MYH9: variants seen among roughly 807,000 people sequenced by gnomAD.
MYH9 encodes myosin heavy chain 9.
A neutral mutation model predicts 241.9 loss-of-function variants in MYH9; 29 were observed. The observed-to-expected ratio is 0.12, with a 90% confidence interval of 0.09 to 0.16. The LOEUF is 0.16. MYH9 is among the 10% of genes least tolerant of loss of function. The pLI, the probability that MYH9 is intolerant of heterozygous loss-of-function variation, is 1.00. For synonymous variants in MYH9, 1,047 were observed against 1,062.6 expected (o/e 0.99, Z 0.29); for missense variants, 1,803 against 2,595.5 (o/e 0.69, Z 6.63).
intron 31 of MYH9, among the ~76,000 whole-genome samples, chr22:36,291,573 C>T (rs955931331): frequency 3.3e-5 from 5 of 151,738 alleles, no homozygotes; most frequent in Non-Finnish European, 5.9e-5. Context: ...CTAGGAAAAC[C>T]GGAGACCTTT....
intron 1 of MYH9, among the ~76,000 whole-genome samples, chr22:36,368,420 A>G (rs2018042663): frequency 6.6e-6 from 1 of 151,994 alleles, no homozygotes; most frequent in Admixed American, 6.6e-5. Flanking sequence ...TCCATCCCTA[A>G]CCACTCTGCT....
chr22:36,338,539 G>A (rs1419229815), intron 3 of MYH9, among the ~76,000 whole-genome samples: 2 of 151,170 alleles, frequency 1.3e-5, no homozygotes, highest in African/African-American at 4.9e-5. Context: ...CGCCCACCTG[G>A]CTGGGTGCGG....
At chr22:36,360,595 C>T (rs1025056341) in intron 1 of MYH9, among the ~76,000 whole-genome samples, 4 of 151,862 alleles carry the variant, frequency 2.6e-5, no homozygotes, top group Admixed American at 2.6e-4. Context: ...CACCTGTAGT[C>T]CCAGCTACTC....
Position 36,288,231 on chromosome 22 carries a change from C to T in MYH9, c.4932+21G>A, listed in dbSNP as rs2016621877. 6.2e-7 allele frequency: 1 copy of T among 1,613,002 alleles called. No individual in the cohort carries two copies. Among genetic ancestry groups the T allele is most frequent in the Non-Finnish European group, 8.5e-7 (1 of 1,179,902 alleles). On this transcript the variant is annotated intron_variant, in intron 34 of 40. Coordinates refer to ENST00000216181, the MANE Select transcript of MYH9 (RefSeq NM_002473.6). The surrounding 1 kb of genome is among the most constrained non-coding windows in gnomAD (Gnocchi z 4.8). ...TCAGTCGGGTGCCGCCCACCCTCAC[C>T]TGGGCCCCGCCCACCCTTACCTGCA... is the stretch of plus-strand genomic sequence containing the variant.
At position 36,300,178 on chromosome 22, in the gene MYH9, C is replaced by A; in HGVS notation, c.2925G>T (p.Lys975Asn). The A allele has an allele frequency of 3.7e-6, 6 of 1,613,424 alleles. No homozygotes were observed. Among genetic ancestry groups the A allele is most frequent in the Non-Finnish European group, 4.2e-6 (5 of 1,180,030 alleles). Residue 975 changes from lysine (K) to asparagine (N), a missense_variant, in exon 23 of 41, where the codon AAG becomes AAT. Lys to Asn is a moderately conservative substitution (Grantham distance 94, BLOSUM62 0). Coordinates refer to ENST00000216181, the MANE Select transcript of MYH9 (RefSeq NM_002473.6). The surrounding 1 kb of genome is among the most constrained non-coding windows in gnomAD (Gnocchi z 5.0). ...EKVTTEAKLK[K>N]LEEEQIILED... ...CCAGGATGATCTGCTCCTCCTCCAG[C>A]TTTTTCAGCTTCGCCTCGGTGGTCA...
Position 36,312,100 on chromosome 22 carries a change from G to C in MYH9, c.1677C>G (p.Pro559=), listed in dbSNP as rs770906668. 2 of 1,614,180 alleles carry C rather than the reference G, an allele frequency of 1.2e-6. No homozygotes were observed. Among genetic ancestry groups the C allele is most frequent in the Non-Finnish European group, 1.7e-6 (2 of 1,180,020 alleles). ...AATCAGCTTTGTCCTTCAGCTGCTTGGGCTTCTGGAACTTGGGGTGGGTGC... is the reference window on the plus strand; with the variant it reads ...AATCAGCTTTGTCCTTCAGCTGCTTCGGCTTCTGGAACTTGGGGTGGGTGC... ...EQGTHPKFQK[P]KQLKDKADFC... The change falls in exon 14 of 41, where the codon CCC becomes CCG. Residue 559 remains proline, a synonymous_variant. Transcript: ENST00000216181.
intron 1 of MYH9, among the ~76,000 whole-genome samples, chr22:36,355,751 G>A (rs1230376896): frequency 1.3e-5 from 2 of 152,180 alleles, no homozygotes; most frequent in East Asian, 3.8e-4. Context: ...GTCAGACTCA[G>A]CCCCGTGTGG....
Position 36,293,480 on chromosome 22 carries a change from T to A in MYH9, c.3944A>T (p.Glu1315Val). 1 of 1,613,074 alleles carries A rather than the reference T, an allele frequency of 6.2e-7. No individual in the cohort carries two copies. ...ALESQLQDTQ[E>V]LLQEENRQKL... ...CTGCCGGTTCTCCTCCTGCAGCAGC[T>A]CCTACTCGCGGGTTGAGAGGGGTGC... Residue 1315 changes from glutamate (E) to valine (V), a missense_variant and splice_region_variant, in exon 30 of 41, where the codon GAG becomes GTG. Glu to Val is a moderately radical substitution (Grantham distance 121, BLOSUM62 -2). Transcript: ENST00000216181. The surrounding 1 kb of genome is among the most constrained non-coding windows in gnomAD (Gnocchi z 5.1).
At chr22:36,369,526 A>T (rs1458314013) in intron 1 of MYH9, among the ~76,000 whole-genome samples, 1 of 152,206 alleles carries the variant, frequency 6.6e-6, no homozygotes, top group Non-Finnish European at 1.5e-5. Context: ...GCAAAAACCC[A>T]GGTTCCCCAC....
At position 36,300,235 on chromosome 22, in the gene MYH9, C is replaced by T. The variant is rs926046852; in HGVS notation, c.2868G>A (p.Glu956=). 5 of 1,612,894 alleles carry T rather than the reference C, an allele frequency of 3.1e-6. No individual in the cohort carries two copies. Among genetic ancestry groups the T allele is most frequent in the Non-Finnish European group, 4.2e-6 (5 of 1,179,954 alleles). ...QELEEQLEEE[E]SARQKLQLEK... ...CCAGCTGCAGCTTCTGCCGGGCGCT[C>T]TCCTCCTCCTCCAGCTGCTCCTCAA... Residue 956 remains glutamate (E), a synonymous_variant, in exon 23 of 41, where the codon GAG becomes GAA. Transcript: ENST00000216181. The surrounding 1 kb of genome is among the most constrained non-coding windows in gnomAD (Gnocchi z 5.0).
At chr22:36,325,176 G>A in intron 5 of MYH9, 1 of 730,970 alleles carries the variant, frequency 1.4e-6, no homozygotes, top group East Asian at 2.6e-5. Context: ...TGGAGAGAGA[G>A]AGAGACAGAG....
At position 36,287,293 on chromosome 22, in the gene MYH9, T is replaced by A. The variant is rs369144040; in HGVS notation, c.4933-447A>T. On this transcript the variant is annotated intron_variant, in intron 34 of 40. Transcript: ENST00000216181. ...GCCTTTTTTTCCTTTTGCAGATAAA[T>A]CCGAAATTGAGATTCCCCAAATCAA... Among the ~76,000 whole-genome samples the A allele has an allele frequency of 6.7e-4, 102 of 152,240 alleles. 3 individuals are homozygous for A. The highest frequency in any genetic ancestry group is 4.6e-3 in the East Asian group (24 of 5,188).
In MYH9 at chr22:36,306,266, G is replaced by A; in HGVS notation, c.2037+148C>T. Reference sequence around the variant, plus strand: ...GCTGTGAATGTAGCGTATCTCCTAAGCGAGCCAAGGCCCACCCTGCAGAGA... The same window carrying A: ...GCTGTGAATGTAGCGTATCTCCTAAACGAGCCAAGGCCCACCCTGCAGAGA... On this transcript the variant is annotated intron_variant, in intron 16 of 40. Transcript: ENST00000216181. This position sits in a 1 kb window ranked among gnomAD's most constrained non-coding sequence, Gnocchi z 4.1. 1.6e-6 allele frequency: 2 copies of A among 1,264,802 alleles called. No individual in the cohort carries two copies. Among genetic ancestry groups the A allele is most frequent in the Non-Finnish European group, 2.2e-6 (2 of 898,366 alleles). 78.3% of individuals were successfully genotyped at this position (1,264,802 alleles called of 1,614,324 possible). A position where few individuals can be genotyped will look rare whatever the true frequency, so the allele number is the denominator to read the frequency against.
At chr22:36,327,360 G>A (rs2017352091) in intron 4 of MYH9, 101 bp downstream of exon 4, 1 of 1,373,764 alleles carries the variant, frequency 7.3e-7, no homozygotes, top group Non-Finnish European at 1.0e-6. Flanking sequence ...AATTGGGAAT[G>A]GGGGACTCTG....
intron 3 of MYH9, among the ~76,000 whole-genome samples, chr22:36,334,682 G>A (rs576840168): frequency 1.2e-4 from 19 of 152,196 alleles, no homozygotes; most frequent in African/African-American, 4.1e-4. Flanking sequence ...AGGAATGAGC[G>A]ATTTGAAGCC....
rs570352050 is a variant in MYH9, at chr22:36,286,920, G to C, written c.4933-74C>G. On this transcript the variant is annotated intron_variant, in intron 34 of 40. Transcript: ENST00000216181. ...CACCCCAACCCTCATGGGTCACCTC[G>C]CCAACAGGGCTCATGGCTGGTGCTC... 3 of 1,591,814 alleles carry C rather than the reference G, an allele frequency of 1.9e-6. No individual in the cohort carries two copies. The African/African-American group carries it at 4.0e-5, about 21-fold the overall frequency.
chr22:36,349,302 C>T, intron 1 of MYH9, 47 bp from the exon 2 acceptor site: 2 of 1,419,940 alleles, frequency 1.4e-6, no homozygotes, highest in Non-Finnish European at 2.0e-6. Context: ...ACTACGTCAG[C>T]CACACAAGAT....
intron 3 of MYH9, among the ~76,000 whole-genome samples, chr22:36,332,628 G>A (rs897048024): frequency 7.2e-6 from 1 of 138,514 alleles, no homozygotes; most frequent in African/African-American, 2.9e-5. Context: ...GCAGAGAATG[G>A]GTAGCCCTCC....
rs1468410925 is a variant in MYH9, at chr22:36,298,960, T to G, written c.3059A>C (p.Lys1020Thr). 1 of 1,614,162 alleles carries G rather than the reference T, an allele frequency of 6.2e-7. No homozygotes were observed. Among genetic ancestry groups the G allele is most frequent in the South Asian group, 1.1e-5 (1 of 91,082 alleles). ...EEEEKSKSLA[K>T]LKNKHEAMIT... is the part of the protein sequence containing the mutation. Reference sequence around the variant, plus strand: ...CATTGCCTCATGCTTGTTCTTGAGCTTGGCGAGGCTCTTAGATTTCTCCTC... The same window carrying G: ...CATTGCCTCATGCTTGTTCTTGAGCGTGGCGAGGCTCTTAGATTTCTCCTC... The change falls in exon 24 of 41, where the codon AAG becomes ACG. Residue 1020 changes from lysine to threonine, a missense_variant. Lys to Thr is a moderately conservative substitution (Grantham distance 78, BLOSUM62 -1). Coordinates refer to ENST00000216181, the MANE Select transcript of MYH9 (RefSeq NM_002473.6).
Sources: allele counts gnomAD v4.1 joint callset (sites outside exome capture counted in the v4.1 genomes callset), GRCh38; gene constraint gnomAD v4.1.1; non-coding constraint Gnocchi (gnomAD v3.1); transcripts MANE v1.5; gene names NCBI Gene and HGNC (gene_info 2026-07-23, HGNC 2026-07-21).